Variants in ARHGAP28 observed in about 807,000 individuals in gnomAD.
The protein encoded by ARHGAP28 is Rho GTPase activating protein 28.
A neutral mutation model predicts 90.7 loss-of-function variants in ARHGAP28; 56 were observed. The ratio of observed to expected loss-of-function variants is 0.62; its 90% CI spans 0.50 to 0.77. The LOEUF is 0.77. ARHGAP28 is among the 30% of genes least tolerant of loss of function. The probability of loss-of-function intolerance (pLI) is 0.00; values close to 1 mark genes in which losing one functional copy is unlikely to be tolerated. For missense variants in ARHGAP28, 869 were observed against 900.9 expected (o/e 0.96, Z 0.45); for synonymous variants, 308 against 323.3 (o/e 0.95, Z 0.51).
chr18:6,840,785 G>A (rs151318224), intron 3 of ARHGAP28, among the ~76,000 whole-genome samples: 276 of 152,290 alleles, frequency 1.8e-3, no homozygotes, highest in Non-Finnish European at 3.2e-3. Flanking sequence ...GAGTTAAAAG[G>A]GCTTGTGCTG....
At chr18:6,758,897 T>A (rs1177660434) in intron 1 of ARHGAP28, among the ~76,000 whole-genome samples, 1 of 152,224 alleles carries the variant, frequency 6.6e-6, no homozygotes, top group African/African-American at 2.4e-5. Flanking sequence ...GGCATAGTAC[T>A]GCTTTAGATT....
At chr18:6,875,108 CAT>C (rs1221489037) in intron 9 of ARHGAP28, 1 of 152,174 alleles carries the variant, frequency 6.6e-6, no homozygotes, top group Non-Finnish European at 1.5e-5. Context: ...CGATTCAGCA[CAT>C]GAGTTTATAG....
intron 16 of ARHGAP28, among the ~76,000 whole-genome samples, chr18:6,905,033 G>T (rs2057357760): frequency 6.6e-6 from 1 of 151,790 alleles, no homozygotes; most frequent in South Asian, 2.1e-4. Context: ...CTAGAAAATA[G>T]AAGAAGGAGG....
chr18:6,901,135 A>T (rs553101723), intron 16 of ARHGAP28, among the ~76,000 whole-genome samples: 1 of 152,338 alleles, frequency 6.6e-6, no homozygotes, highest in East Asian at 1.9e-4. Context: ...ATAAAGGATG[A>T]CTGAAGGAAG....
At chr18:6,868,770 A>T (rs1178981050) in intron 6 of ARHGAP28, among the ~76,000 whole-genome samples, 1 of 152,094 alleles carries the variant, frequency 6.6e-6, no homozygotes, top group East Asian at 1.9e-4. Flanking sequence ...CCCAAAATAC[A>T]TGCATTCTTT....
At chr18:6,835,559 C>T (rs1236970879) in intron 2 of ARHGAP28, among the ~76,000 whole-genome samples, 1 of 152,184 alleles carries the variant, frequency 6.6e-6, no homozygotes, top group African/African-American at 2.4e-5. Context: ...GAATCCAGTA[C>T]TAGACTAATG....
Position 6,868,244 on chromosome 18 carries a change from A to G in ARHGAP28, c.811+10A>G. On this transcript the variant is annotated intron_variant, in intron 6 of 17. Transcript: ENST00000383472. ...CAGAATGCGATAAGTGGTGAGCGGC[A>G]TGCCTCCTGTTGAACTTCAGCTGTG... 1 of 1,612,740 alleles carries G rather than the reference A, an allele frequency of 6.2e-7. No individual in the cohort carries two copies. Among genetic ancestry groups the G allele is most frequent in the East Asian group, 2.2e-5 (1 of 44,882 alleles).
At chr18:6,814,059 T>G (rs2056574518) in intron 1 of ARHGAP28, among the ~76,000 whole-genome samples, 1 of 152,008 alleles carries the variant, frequency 6.6e-6, no homozygotes, top group South Asian at 2.1e-4. Context: ...CCCTACAGAG[T>G]TAAAACTGTC....
At chr18:6,851,369 A>G (rs1404656685) in intron 4 of ARHGAP28, among the ~76,000 whole-genome samples, 1 of 152,218 alleles carries the variant, frequency 6.6e-6, no homozygotes, top group African/African-American at 2.4e-5. Flanking sequence ...ATGCGAAGAA[A>G]GCCACAATAA....
intron 1 of ARHGAP28, among the ~76,000 whole-genome samples, chr18:6,771,668 G>T (rs2056244111): frequency 6.6e-6 from 1 of 152,170 alleles, no homozygotes; most frequent in Admixed American, 6.5e-5. Context: ...GACCTGAACT[G>T]GATTCAAGCA....
intron 9 of ARHGAP28, among the ~76,000 whole-genome samples, chr18:6,875,441 G>A (rs925029324): frequency 2.6e-5 from 4 of 152,148 alleles, no homozygotes; most frequent in African/African-American, 9.7e-5. Context: ...CTTCTTACTG[G>A]GTGAACTTGG....
intron 1 of ARHGAP28, among the ~76,000 whole-genome samples, chr18:6,736,506 G>A (rs933690069): frequency 1.3e-5 from 2 of 151,928 alleles, no homozygotes; most frequent in Admixed American, 1.3e-4. Context: ...TTGGGAGGCC[G>A]AGGTGAGCGG....
chr18:6,799,083 A>G (rs908238196), intron 1 of ARHGAP28, among the ~76,000 whole-genome samples: 1 of 152,232 alleles, frequency 6.6e-6, no homozygotes, highest in African/African-American at 2.4e-5. Flanking sequence ...GATCAGGGAC[A>G]ATATCCTAGA....
chr18:6,740,890 A>G (rs1362810516), intron 1 of ARHGAP28, among the ~76,000 whole-genome samples: 1 of 152,180 alleles, frequency 6.6e-6, no homozygotes, highest in Non-Finnish European at 1.5e-5. Context: ...TGGTTTGATC[A>G]CCTGCTTCCC....
rs191786616 is a variant in ARHGAP28 at position 6,731,363 on chromosome 18, T to A, written c.122+1420T>A. ...TTGTCCATTTCTTAAACGGTTCTAG[T>A]GTAGCTGTCCTGTCTATAATTCCCA... On this transcript the variant is annotated intron_variant, in intron 1 of 17. Coordinates refer to ENST00000383472, the MANE Select transcript of ARHGAP28 (RefSeq NM_001366230.1). Among the ~76,000 whole-genome samples the A allele has an allele frequency of 1.4e-3, 220 of 152,228 alleles. 1 individual carries two copies. Among genetic ancestry groups the A allele is most frequent in the African/African-American group, 4.9e-3 (204 of 41,538 alleles).
chr18:6,895,710 A>T (rs1188743487), intron 15 of ARHGAP28, among the ~76,000 whole-genome samples: 1 of 152,186 alleles, frequency 6.6e-6, no homozygotes, highest in African/African-American at 2.4e-5. Context: ...TTTAAACCTC[A>T]TATGTAATGG....
At chr18:6,888,753 G>T (rs923725750) in intron 12 of ARHGAP28, among the ~76,000 whole-genome samples, 3 of 152,000 alleles carry the variant, frequency 2.0e-5, no homozygotes, top group Non-Finnish European at 4.4e-5. Flanking sequence ...CTAACAAAAG[G>T]TCCCCCCAGA....
rs982774524 is a variant in ARHGAP28, at chr18:6,783,539, G to C, written c.123-41223G>C. ...TGGTCTTGAACTCCTGACCTCAGGT[G>C]ATCTGCCTGCCTCAGCCTCCCAAAG... On this transcript the variant is annotated intron_variant, in intron 1 of 17. Coordinates refer to ENST00000383472, the MANE Select transcript of ARHGAP28 (RefSeq NM_001366230.1). 9.7e-5 allele frequency among the ~76,000 whole-genome samples: 14 copies of C among 144,268 alleles called. 1 individual carries two copies. Among genetic ancestry groups the C allele is most frequent in the Admixed American group, 6.7e-4 (10 of 14,966 alleles). The allele number at this position is 144,268 out of a possible 152,430, so 94.6% of individuals were successfully genotyped here.
At chr18:6,751,573 A>G (rs2056069449) in intron 1 of ARHGAP28, among the ~76,000 whole-genome samples, 1 of 152,228 alleles carries the variant, frequency 6.6e-6, no homozygotes, top group Admixed American at 6.5e-5. Flanking sequence ...ATACATGGAA[A>G]TTGATATTAT....
Sources: allele counts gnomAD v4.1 joint callset (sites outside exome capture counted in the v4.1 genomes callset), GRCh38; gene constraint gnomAD v4.1.1; transcripts MANE v1.5; gene names NCBI Gene and HGNC (gene_info 2026-07-23, HGNC 2026-07-21).